The following DMXL1 variants were observed in gnomAD, a reference collection of about 807,000 sequenced individuals.
DMXL1 encodes Dmx like 1, also known as dmX-like protein 1.
DMXL1 carries 99 observed loss-of-function variants against 319.2 expected under a neutral mutation model. The ratio of observed to expected loss-of-function variants is 0.31; its 90% CI spans 0.26 to 0.37. The LOEUF is 0.37. Ranked by LOEUF, DMXL1 falls within the 10% of genes least tolerant of loss-of-function variation. DMXL1 has a pLI of 1.00. For missense variants in DMXL1, 3,745 were observed against 3,595.6 expected (o/e 1.04, Z -1.06); for synonymous variants, 1,385 against 1,235.2 (o/e 1.12, Z -2.54).
intron 32 of DMXL1, among the ~76,000 whole-genome samples, chr5:119,202,500 G>A (rs1352657238): frequency 6.6e-6 from 1 of 152,082 alleles, no homozygotes; most frequent in African/African-American, 2.4e-5. Context: ...CCAACATGAT[G>A]CTATAAGTAG....
chr5:119,217,924 C>G (rs914976340), intron 35 of DMXL1, among the ~76,000 whole-genome samples: 1 of 151,944 alleles, frequency 6.6e-6, no homozygotes, highest in African/African-American at 2.4e-5. Context: ...TCTTAGACAC[C>G]GTTGAGCAAT....
At chr5:119,209,951 G>T (rs1407929558) in intron 34 of DMXL1, among the ~76,000 whole-genome samples, 1 of 151,992 alleles carries the variant, frequency 6.6e-6, no homozygotes, top group South Asian at 2.1e-4. Flanking sequence ...TTTTCATTCT[G>T]TTTACAAGGT....
Position 119,193,287 on chromosome 5 carries a change from A to G in DMXL1, c.7315-541A>G, listed in dbSNP as rs561992576. Among the ~76,000 whole-genome samples, 4 of 152,150 alleles carry G rather than the reference A, an allele frequency of 2.6e-5. No individual in the cohort carries two copies. In the South Asian group the frequency reaches 8.3e-4, roughly 32 times the overall value. On this transcript the variant is annotated intron_variant, in intron 29 of 43. Transcript: ENST00000539542. Reference sequence around the variant, plus strand: ...CTCCCAGCATTTTTTTGCTTAGCAGACTTGATCAAACTACTATTTTCAAAC... The same window carrying G: ...CTCCCAGCATTTTTTTGCTTAGCAGGCTTGATCAAACTACTATTTTCAAAC...
chr5:119,233,901 G>A (rs1413156063), intron 39 of DMXL1, among the ~76,000 whole-genome samples: 1 of 152,068 alleles, frequency 6.6e-6, no homozygotes, highest in Non-Finnish European at 1.5e-5. Flanking sequence ...AAATATTAAA[G>A]TTTTTTAAGA....
At chr5:119,176,656 T>C (rs1775855140) in intron 26 of DMXL1, among the ~76,000 whole-genome samples, 1 of 152,068 alleles carries the variant, frequency 6.6e-6, no homozygotes, top group African/African-American at 2.4e-5. Flanking sequence ...ATAAATGCGC[T>C]ATATTTAAGT....
At chr5:119,191,928 A>G (rs1778768588) in intron 29 of DMXL1, among the ~76,000 whole-genome samples, 1 of 152,218 alleles carries the variant, frequency 6.6e-6, no homozygotes, top group African/African-American at 2.4e-5. Context: ...TGTTATATGC[A>G]TGGGTCAACC....
chr5:119,101,885 C>T, intron 2 of DMXL1, 50 bp from the exon 3 acceptor site: 1 of 1,247,834 alleles, frequency 8.0e-7, no homozygotes. Flanking sequence ...TTTTTTGATT[C>T]ATAAGTAAGT....
intron 1 of DMXL1, among the ~76,000 whole-genome samples, chr5:119,081,998 TA>T (rs1752293098): frequency 4.1e-5 from 2 of 48,402 alleles, no homozygotes; most frequent in African/African-American, 1.1e-4. Context: ...TTCTTAAGGT[TA>T]TATATATATA....
rs12656142 is a variant in DMXL1 at position 119,095,331 on chromosome 5, T to C, written c.88-2648T>C. Among the ~76,000 whole-genome samples the C allele has an allele frequency of 1.4e-3, 212 of 152,350 alleles. 5 individuals are homozygous for C. In the East Asian group the frequency reaches 0.037, roughly 27 times the overall value. On this transcript the variant is annotated intron_variant, in intron 1 of 43. Transcript: ENST00000539542. ...TTGAATGATGAAGTGGTAATTGTTA[T>C]TAGTTGGTATTTTCCTCTGTATAGT... is the stretch of plus-strand genomic sequence containing the variant.
intron 30 of DMXL1, among the ~76,000 whole-genome samples, chr5:119,194,769 A>C (rs1779311955): frequency 1.3e-5 from 2 of 152,226 alleles, no homozygotes; most frequent in Admixed American, 1.3e-4. Context: ...AAAAATGAAC[A>C]AAGGGCTGGG....
intron 1 of DMXL1, among the ~76,000 whole-genome samples, chr5:119,089,824 C>A (rs1754303564): frequency 6.6e-6 from 1 of 151,162 alleles, no homozygotes; most frequent in African/African-American, 2.4e-5. Flanking sequence ...TGGGGTTTCT[C>A]CAGGTTGGTC....
At position 119,164,497 on chromosome 5, in the gene DMXL1, A is replaced by C. The variant is rs769612261; in HGVS notation, c.4703-10A>C. ...AATTCTTATAAACATCATTTTTTAC[A>C]TTTCTTCAGGCCTGTCTACAAGTCA... On this transcript the variant is annotated splice_polypyrimidine_tract_variant and intron_variant, in intron 19 of 43. Transcript: ENST00000539542. The C allele has an allele frequency of 3.1e-6, 5 of 1,604,778 alleles. No homozygotes were observed. In the East Asian group the frequency reaches 1.1e-4, roughly 36 times the overall value.
rs1784460927 is a variant in DMXL1, at chr5:119,220,464, T to C, written c.8014-8T>C. 5 of 1,611,176 alleles carry C rather than the reference T, an allele frequency of 3.1e-6. No individual in the cohort carries two copies. The South Asian group carries it at 3.3e-5, about 11-fold the overall frequency. The stretch of plus-strand genomic sequence containing the variant: ...GCTTTTAAAATTACCATTTGACTTA[T>C]TTTTCAGGCAAATAGAAACTGCATA... On this transcript the variant is annotated splice_region_variant and splice_polypyrimidine_tract_variant and intron_variant, in intron 35 of 43. Transcript: ENST00000539542.
intron 24 of DMXL1, 30 bp downstream of exon 24, chr5:119,171,310 G>C (rs770032214): frequency 6.5e-7 from 1 of 1,545,082 alleles, no homozygotes; most frequent in East Asian, 2.3e-5. Context: ...GTCAAAAATG[G>C]TACATGTCTA....
chr5:119,125,704 A>C (rs1051113111), intron 9 of DMXL1, among the ~76,000 whole-genome samples: 1 of 151,942 alleles, frequency 6.6e-6, no homozygotes, highest in African/African-American at 2.4e-5. Context: ...AGCTGGGACT[A>C]CAGACGCCCG....
chr5:119,170,041 T>C (rs538227214), intron 23 of DMXL1, 149 bp from the exon 24 acceptor site: 13 of 653,804 alleles, frequency 2.0e-5, no homozygotes, highest in Non-Finnish European at 3.0e-5. Context: ...TTGTTGTCTC[T>C]TCAGTGCCAT....
chr5:119,198,822 C>T (rs10064311), intron 32 of DMXL1, among the ~76,000 whole-genome samples: 30,378 of 152,162 alleles, frequency 0.2, 3,484 homozygotes, highest in Non-Finnish European at 0.27. Flanking sequence ...AATAAACTCA[C>T]ATCGTGAGGA....
At chr5:119,095,386 C>CA (rs1478140388) in intron 1 of DMXL1, among the ~76,000 whole-genome samples, 1 of 152,154 alleles carries the variant, frequency 6.6e-6, no homozygotes, top group East Asian at 1.9e-4. Flanking sequence ...GATTACTTTA[C>CA]ATTTCTCAAC....
intron 32 of DMXL1, among the ~76,000 whole-genome samples, chr5:119,200,541 C>T (rs929110071): frequency 1.3e-5 from 2 of 152,048 alleles, no homozygotes; most frequent in African/African-American, 4.8e-5. Context: ...TTAGGATCGC[C>T]TTGCTATTCA....
Sources: gnomAD v4.1 joint callset for allele counts (sites outside exome capture counted in the v4.1 genomes callset) on GRCh38, gnomAD v4.1.1 for gene constraint, MANE v1.5 for transcripts, NCBI Gene and HGNC (gene_info 2026-07-23, HGNC 2026-07-21) for gene names.